The following SPATA6 variants were observed in gnomAD, a reference collection of about 807,000 sequenced individuals.
SPATA6 encodes spermatogenesis associated 6.
Under a neutral mutation model 65.3 loss-of-function variants are expected in SPATA6, and 56 were observed. The ratio of observed to expected loss-of-function variants is 0.86; its 90% confidence interval spans 0.69 to 1.07. The LOEUF is 1.07. SPATA6 is among the 50% of genes least tolerant of loss of function. SPATA6 has a pLI of 0.00. For missense variants in SPATA6, 590 were observed against 594.8 expected (o/e 0.99, Z 0.08); for synonymous variants, 199 against 213.2 (o/e 0.93, Z 0.58).
At chr1:48,464,299 A>G (rs527849736) in intron 1 of SPATA6, among the ~76,000 whole-genome samples, 1 of 152,234 alleles carries the variant, frequency 6.6e-6, no homozygotes, top group South Asian at 2.1e-4. Context: ...CCATCAACAT[A>G]AAGACAAGGC....
chr1:48,361,813 G>C (rs758846209), intron 9 of SPATA6, among the ~76,000 whole-genome samples: 7 of 152,002 alleles, frequency 4.6e-5, no homozygotes, highest in Non-Finnish European at 1.0e-4. Flanking sequence ...GTCCAGCATA[G>C]GTTTTGCTTC....
intron 3 of SPATA6, among the ~76,000 whole-genome samples, chr1:48,419,827 A>G (rs964790507): frequency 6.6e-6 from 1 of 152,244 alleles, no homozygotes; most frequent in African/African-American, 2.4e-5. Flanking sequence ...TAGAAATTAA[A>G]GAGAAAGTTT....
chr1:48,398,560 G>A (rs1650826817), intron 7 of SPATA6, among the ~76,000 whole-genome samples: 1 of 151,700 alleles, frequency 6.6e-6, no homozygotes, highest in African/African-American at 2.4e-5. Flanking sequence ...CTTAAATCTT[G>A]AGGTTTAGTA....
At chr1:48,471,550 C>T (rs1363914271) in intron 1 of SPATA6, among the ~76,000 whole-genome samples, 3 of 152,234 alleles carry the variant, frequency 2.0e-5, no homozygotes, top group South Asian at 2.1e-4. Context: ...GGAGGAAATG[C>T]GACGCCCACC....
chr1:48,444,634 G>A (rs767186037), intron 3 of SPATA6, among the ~76,000 whole-genome samples: 76 of 152,166 alleles, frequency 5.0e-4, no homozygotes, highest in Non-Finnish European at 1.0e-3. Context: ...ACAAATAAGA[G>A]AATAAAAGCT....
chr1:48,268,304 ATGTGTGTGTG>A, the SPATA6 span, among the ~76,000 whole-genome samples: 6 of 149,218 alleles, frequency 4.0e-5, no homozygotes, highest in East Asian at 4.0e-4. Flanking sequence ...AAATAAAAAT[ATGTGTGTGTG>A]TGTGTGTGTG....
intron 3 of SPATA6, among the ~76,000 whole-genome samples, chr1:48,444,659 G>A (rs1035718632): frequency 6.6e-6 from 1 of 152,206 alleles, no homozygotes; most frequent in African/African-American, 2.4e-5. Context: ...AACCCAGCCA[G>A]CAGCAGCAAC....
chr1:48,429,854 T>G (rs1370595065), intron 3 of SPATA6, among the ~76,000 whole-genome samples: 1 of 151,778 alleles, frequency 6.6e-6, no homozygotes, highest in Non-Finnish European at 1.5e-5. Flanking sequence ...AATGAAAAAT[T>G]TACTAGATTG....
intron 3 of SPATA6, among the ~76,000 whole-genome samples, chr1:48,414,684 A>C (rs1485031760): frequency 1.3e-5 from 2 of 152,196 alleles, no homozygotes; most frequent in Non-Finnish European, 2.9e-5. Flanking sequence ...TGATCATAGG[A>C]CTGTAGAACA....
At chr1:48,339,292 G>T (rs767000672) in intron 11 of SPATA6, among the ~76,000 whole-genome samples, 1 of 152,034 alleles carries the variant, frequency 6.6e-6, no homozygotes, top group Admixed American at 6.6e-5. Flanking sequence ...CCCTGGTTCA[G>T]TCCCTTTTGG....
intron 12 of SPATA6, among the ~76,000 whole-genome samples, chr1:48,299,527 A>AAAAAAAAAAAAAAAC: frequency 6.7e-6 from 1 of 149,374 alleles, no homozygotes; most frequent in Non-Finnish European, 1.5e-5. Context: ...AAAAAAAAAA[A>AAAAAAAAAAAAAAAC]AAAAAAAAAA....
At position 48,318,865 on chromosome 1, in the gene SPATA6, T is replaced by C. The variant is rs536401615; in HGVS notation, c.1195-12987A>G. On this transcript the variant is annotated intron_variant, in intron 11 of 12. Coordinates refer to ENST00000371847, the MANE Select transcript of SPATA6 (RefSeq NM_019073.4). ...AGACTAACAATTCCTGATATCAAAA[T>C]TTACTACAAAAGCCATCACAATCAA... is the stretch of plus-strand genomic sequence containing the variant. 1.9e-4 allele frequency among the ~76,000 whole-genome samples: 29 copies of C among 152,158 alleles called. No individual in the cohort carries two copies. In the South Asian group the frequency reaches 2.7e-3, roughly 14 times the overall value.
At chr1:48,272,657 C>A in the SPATA6 span, among the ~76,000 whole-genome samples, 1 of 151,994 alleles carries the variant, frequency 6.6e-6, no homozygotes, top group South Asian at 2.1e-4. Flanking sequence ...AATATAGATA[C>A]CTCTTTGCAA....
intron 9 of SPATA6, among the ~76,000 whole-genome samples, chr1:48,366,032 T>G (rs909954166): frequency 1.3e-5 from 2 of 152,260 alleles, no homozygotes; most frequent in African/African-American, 2.4e-5. Context: ...AAAGTCTTTT[T>G]CTGCATCTAT....
intron 11 of SPATA6, among the ~76,000 whole-genome samples, chr1:48,351,888 C>T (rs983940476): frequency 1.3e-5 from 2 of 152,032 alleles, no homozygotes; most frequent in African/African-American, 4.8e-5. Flanking sequence ...ACCAGAGAAA[C>T]CATCTGGGCC....
rs1253052265 is a variant in SPATA6 at position 48,338,204 on chromosome 1, G to A, written c.1194+17466C>T. ...GAGAACAGAATCCAGGACTATCTCC[G>A]CATAAACACAGCGGAGGGGTAAAGA... On this transcript the variant is annotated intron_variant, in intron 11 of 12. Coordinates refer to ENST00000371847, the MANE Select transcript of SPATA6 (RefSeq NM_019073.4). 2.6e-5 allele frequency among the ~76,000 whole-genome samples: 4 copies of A among 152,032 alleles called. No homozygotes were observed. The East Asian group carries it at 5.8e-4, about 22-fold the overall frequency.
At chr1:48,310,855 G>T (rs560137820) in intron 11 of SPATA6, among the ~76,000 whole-genome samples, 36 of 152,146 alleles carry the variant, frequency 2.4e-4, no homozygotes, top group African/African-American at 8.4e-4. Context: ...AAATTTGAAA[G>T]AACTGAAATC....
chr1:48,317,183 T>C (rs1397503092), intron 11 of SPATA6, among the ~76,000 whole-genome samples: 5 of 152,202 alleles, frequency 3.3e-5, no homozygotes, highest in Non-Finnish European at 7.3e-5. Context: ...ACTGGGTATA[T>C]ACCCAAAGGA....
chr1:48,363,183 A>T (rs77776748), intron 9 of SPATA6, among the ~76,000 whole-genome samples: 3,911 of 152,218 alleles, frequency 0.026, 107 homozygotes, highest in African/African-American at 0.071. Context: ...TTACGAGGTA[A>T]AACGAAAGGG....
Sources: allele counts gnomAD v4.1 joint callset (sites outside exome capture counted in the v4.1 genomes callset), GRCh38; gene constraint gnomAD v4.1.1; transcripts MANE v1.5; gene names NCBI Gene and HGNC (gene_info 2026-07-23, HGNC 2026-07-21).